Variants in RASSF3 observed in about 807,000 individuals in gnomAD.
RASSF3 encodes the protein Ras association domain family member 3, also known as ras association domain-containing protein 3.
RASSF3 carries 19 observed loss-of-function variants against 19.9 expected under a neutral mutation model. The ratio of observed to expected loss-of-function variants is 0.96; its 90% confidence interval spans 0.67 to 1.40. RASSF3 has a LOEUF of 1.40. Ranked by LOEUF, RASSF3 falls within the 40% of genes most tolerant of loss-of-function variation. The pLI is 0.00. For synonymous variants in RASSF3, 110 were observed against 104.2 expected (o/e 1.06, Z -0.34); for missense variants, 306 against 289.8 (o/e 1.06, Z -0.41).
chr12:64,679,538 T>G (rs993880640), intron 1 of RASSF3, among the ~76,000 whole-genome samples: 11 of 152,132 alleles, frequency 7.2e-5, no homozygotes, highest in Admixed American at 5.9e-4. Context: ...TGTGAGCCTG[T>G]GGGATTGGGC....
intron 2 of RASSF3, among the ~76,000 whole-genome samples, chr12:64,595,283 G>C (rs1869982150): frequency 6.6e-6 from 1 of 151,924 alleles, no homozygotes; most frequent in Non-Finnish European, 1.5e-5. Flanking sequence ...GGCCAGGCTG[G>C]TCTCGAAGTC....
chr12:64,691,387 A>T (rs1477578195), intron 3 of RASSF3, 83 bp from the exon 4 acceptor site: 1 of 910,096 alleles, frequency 1.1e-6, no homozygotes, highest in Admixed American at 1.9e-5. Flanking sequence ...GGTTACCTTG[A>T]TCTGGAGGAG....
chr12:64,636,739 G>T (rs1592435517), intron 1 of RASSF3, among the ~76,000 whole-genome samples: 3 of 151,934 alleles, frequency 2.0e-5, no homozygotes, highest in Admixed American at 6.6e-5. Context: ...GGTGGTGCAT[G>T]CCTGTAATCC....
chr12:64,558,827 G>A (rs531547167), intron 2 of RASSF3, among the ~76,000 whole-genome samples: 86 of 152,258 alleles, frequency 5.6e-4, no homozygotes, highest in African/African-American at 1.9e-3. Context: ...GTGTGGGAAC[G>A]TTGAAGGGAT....
chr12:64,689,933 C>T (rs1328500368), intron 3 of RASSF3, among the ~76,000 whole-genome samples: 3 of 150,488 alleles, frequency 2.0e-5, no homozygotes, highest in Non-Finnish European at 4.4e-5. Context: ...GACTTACAGG[C>T]GCCCGCCACC....
chr12:64,587,633 C>T (rs930216254), intron 2 of RASSF3, among the ~76,000 whole-genome samples: 5 of 152,146 alleles, frequency 3.3e-5, no homozygotes, highest in Non-Finnish European at 7.3e-5. Flanking sequence ...CTCTCTTTTT[C>T]ACTTGCGAGG....
At chr12:64,613,548 C>G (rs1870446509) in intron 1 of RASSF3, among the ~76,000 whole-genome samples, 1 of 151,972 alleles carries the variant, frequency 6.6e-6, no homozygotes, top group Non-Finnish European at 1.5e-5. Context: ...CTTTCTATCC[C>G]CAACAGTAAC....
rs556940241 is a variant in RASSF3 at position 64,645,415 on chromosome 12, C to T, written c.111+34672C>T. Among the ~76,000 whole-genome samples, 23 of 151,876 alleles carry T rather than the reference C, an allele frequency of 1.5e-4. No individual in the cohort carries two copies. The South Asian group carries it at 4.2e-3, about 28-fold the overall frequency. On this transcript the variant is annotated intron_variant, in intron 1 of 4. Coordinates refer to ENST00000542104, the MANE Select transcript of RASSF3 (RefSeq NM_178169.4). Reference sequence around the variant, plus strand: ...ATGGCAGCTCATATTTTCACTTTGGCGAGGCATGACACTTTGGGAGGCTGA... The same window carrying T: ...ATGGCAGCTCATATTTTCACTTTGGTGAGGCATGACACTTTGGGAGGCTGA...
chr12:64,622,068 C>G (rs922435026), intron 1 of RASSF3, among the ~76,000 whole-genome samples: 2 of 151,968 alleles, frequency 1.3e-5, no homozygotes, highest in African/African-American at 4.8e-5. Context: ...TTATTTTTAT[C>G]TTTTTGACAG....
At chr12:64,644,532 C>CA (rs938417803) in intron 1 of RASSF3, among the ~76,000 whole-genome samples, 7 of 151,592 alleles carry the variant, frequency 4.6e-5, no homozygotes, top group African/African-American at 1.7e-4. Context: ...CCCATCTCCG[C>CA]AAAAAAATAC....
intron 4 of RASSF3, among the ~76,000 whole-genome samples, chr12:64,692,092 A>G (rs770982632): frequency 1.1e-4 from 16 of 152,060 alleles, no homozygotes; most frequent in Non-Finnish European, 2.4e-4. Flanking sequence ...TTATGTTTCC[A>G]TGTGCATCAT....
At chr12:64,680,226 T>C (rs539459040) in intron 1 of RASSF3, among the ~76,000 whole-genome samples, 3 of 152,080 alleles carry the variant, frequency 2.0e-5, no homozygotes, top group Non-Finnish European at 4.4e-5. Flanking sequence ...GGTAAACAAT[T>C]GGAAAGTTTT....
intron 4 of RASSF3, among the ~76,000 whole-genome samples, chr12:64,692,312 G>A (rs965259449): frequency 3.9e-5 from 6 of 152,140 alleles, no homozygotes; most frequent in African/African-American, 1.4e-4. Flanking sequence ...TAAAAGTTAG[G>A]AAACGGCTCT....
At chr12:64,553,745 G>A (rs568953494) in intron 2 of RASSF3, among the ~76,000 whole-genome samples, 10 of 152,246 alleles carry the variant, frequency 6.6e-5, no homozygotes, top group African/African-American at 2.2e-4. Flanking sequence ...GGGAGGTGGA[G>A]GTGGGTGAAT....
chr12:64,557,526 T>C (rs1869274651), intron 2 of RASSF3, among the ~76,000 whole-genome samples: 1 of 152,162 alleles, frequency 6.6e-6, no homozygotes, highest in Non-Finnish European at 1.5e-5. Flanking sequence ...CTGGCAAAAG[T>C]GTACCCCCTT....
At chr12:64,657,814 A>G (rs771747979) in intron 1 of RASSF3, among the ~76,000 whole-genome samples, 22 of 152,238 alleles carry the variant, frequency 1.4e-4, no homozygotes, top group African/African-American at 3.4e-4. Context: ...GTTCACACCT[A>G]TAATCCTAGC....
At chr12:64,600,873 T>G (rs1292778350) in intron 2 of RASSF3, among the ~76,000 whole-genome samples, 2 of 152,208 alleles carry the variant, frequency 1.3e-5, no homozygotes, top group African/African-American at 4.8e-5. Context: ...GGAAATCAGT[T>G]TTTAGATATA....
chr12:64,567,132 G>A (rs1361721211), intron 2 of RASSF3, among the ~76,000 whole-genome samples: 12 of 152,226 alleles, frequency 7.9e-5, no homozygotes, highest in Admixed American at 7.9e-4. Context: ...CCTGTTGCAG[G>A]AGCCAGGCTG....
At chr12:64,531,587 G>A (rs1192485523), upstream of RASSF3, among the ~76,000 whole-genome samples, 1 of 152,030 alleles carries the variant, frequency 6.6e-6, no homozygotes. Flanking sequence ...AAAATCTTGG[G>A]AACTTTGAAT....
Sources: gnomAD v4.1 joint callset for allele counts (sites outside exome capture counted in the v4.1 genomes callset) on GRCh38, gnomAD v4.1.1 for gene constraint, MANE v1.5 for transcripts, NCBI Gene and HGNC (gene_info 2026-07-23, HGNC 2026-07-21) for gene names.